Variants in CEP112 observed in about 807,000 individuals in gnomAD.
The protein encoded by CEP112 is centrosomal protein 112.
A neutral mutation model predicts 153.0 loss-of-function variants in CEP112; 127 were observed. That is an observed-to-expected ratio of 0.83 (90% CI 0.72 to 0.96). The LOEUF (loss-of-function observed/expected upper bound fraction) is 0.96. CEP112 is among the 40% of genes least tolerant of loss of function. The pLI is 0.00. For synonymous variants in CEP112, 358 were observed against 374.4 expected (o/e 0.96, Z 0.51); for missense variants, 1,089 against 1,101.2 (o/e 0.99, Z 0.16).
chr17:65,803,284 G>T (rs2145840715), intron 21 of CEP112, among the ~76,000 whole-genome samples: 1 of 152,274 alleles, frequency 6.6e-6, no homozygotes. Context: ...CCAAATTCCA[G>T]AAACAGTAAG....
intron 21 of CEP112, among the ~76,000 whole-genome samples, chr17:65,781,935 C>A (rs1473110944): frequency 6.6e-6 from 1 of 152,120 alleles, no homozygotes; most frequent in African/African-American, 2.4e-5. Flanking sequence ...CCATTCTGGA[C>A]CTTGGCCTTG....
intron 1 of CEP112, among the ~76,000 whole-genome samples, chr17:66,185,376 C>T (rs138306288): frequency 0.034 from 5,185 of 152,222 alleles, 130 homozygotes; most frequent in Middle Eastern, 0.061. Flanking sequence ...GCACACACCA[C>T]CATGCCCGGC....
intron 16 of CEP112, among the ~76,000 whole-genome samples, chr17:66,024,266 G>A (rs568505272): frequency 3.9e-5 from 6 of 152,194 alleles, no homozygotes; most frequent in African/African-American, 1.4e-4. Context: ...AATAAGACAA[G>A]GATGCTTACT....
intron 21 of CEP112, among the ~76,000 whole-genome samples, chr17:65,791,298 G>C (rs2054578323): frequency 6.6e-6 from 1 of 152,154 alleles, no homozygotes; most frequent in Admixed American, 6.6e-5. Context: ...AAGAAAGAAA[G>C]TAGGAAAGAT....
intron 21 of CEP112, among the ~76,000 whole-genome samples, chr17:65,777,640 C>T (rs925369246): frequency 2.0e-5 from 3 of 152,160 alleles, no homozygotes; most frequent in Non-Finnish European, 2.9e-5. Context: ...TTCTCCTCCC[C>T]TTCATGAATA....
Position 66,029,966 on chromosome 17 carries a change from T to C in CEP112, c.1276A>G (p.Asn426Asp). The C allele has an allele frequency of 6.2e-7, 1 of 1,613,930 alleles. No individual in the cohort carries two copies. The highest frequency in any genetic ancestry group is 8.5e-7 in the Non-Finnish European group (1 of 1,179,868). The stretch of plus-strand genomic sequence containing the variant: ...AATTTCTGCCTCTGTAAATTACTGT[T>C]CTCTGCTTCTCCAGTCAGCTGCTGG... ...RVQQLTGEAE[N>D]SNLQRQKLIQ... The change falls in exon 13 of 27, where the codon AAC becomes GAC. Residue 426 changes from asparagine to aspartate, a missense_variant. Coordinates refer to ENST00000535342, the MANE Select transcript of CEP112 (RefSeq NM_001199165.4).
At chr17:66,176,651 T>G in intron 3 of CEP112, 179 bp downstream of exon 3, 1 of 440,342 alleles carries the variant, frequency 2.3e-6, no homozygotes, top group South Asian at 7.3e-5. Context: ...ACTCCCCTTA[T>G]AAGCAATACA....
At chr17:66,076,448 C>G (rs899670458) in intron 8 of CEP112, among the ~76,000 whole-genome samples, 2 of 152,100 alleles carry the variant, frequency 1.3e-5, no homozygotes, top group Admixed American at 1.3e-4. Flanking sequence ...CCTCACTTCC[C>G]TGACAACCTG....
intron 19 of CEP112, among the ~76,000 whole-genome samples, chr17:65,922,214 C>T (rs1211698604): frequency 6.6e-6 from 1 of 152,060 alleles, no homozygotes; most frequent in Non-Finnish European, 1.5e-5. Context: ...TGGCTGTTCA[C>T]TTAATTCATT....
At chr17:66,167,485 A>G (rs2072028071) in intron 4 of CEP112, among the ~76,000 whole-genome samples, 1 of 152,082 alleles carries the variant, frequency 6.6e-6, no homozygotes, top group Admixed American at 6.6e-5. Flanking sequence ...GGGTTTAGAG[A>G]AATTAAGTAA....
intron 24 of CEP112, among the ~76,000 whole-genome samples, chr17:65,652,235 G>A (rs1303250983): frequency 6.6e-6 from 1 of 152,056 alleles, no homozygotes; most frequent in African/African-American, 2.4e-5. Flanking sequence ...AAAGTGTAGG[G>A]ATTAAGAGCC....
chr17:65,788,026 C>A (rs11654471), intron 21 of CEP112, among the ~76,000 whole-genome samples: 48,795 of 152,048 alleles, frequency 0.32, 9,677 homozygotes, highest in Middle Eastern at 0.45. Context: ...ACATTTCACC[C>A]TAAAAATGAT....
At chr17:66,005,189 G>T (rs985764710) in intron 17 of CEP112, among the ~76,000 whole-genome samples, 9 of 152,162 alleles carry the variant, frequency 5.9e-5, no homozygotes, top group Admixed American at 1.3e-4. Flanking sequence ...TTTAGTAAAT[G>T]AATGGAGAAG....
At chr17:65,672,178 T>C (rs1457139262) in intron 24 of CEP112, among the ~76,000 whole-genome samples, 1 of 152,178 alleles carries the variant, frequency 6.6e-6, no homozygotes, top group Non-Finnish European at 1.5e-5. Flanking sequence ...AAATATACCA[T>C]AATATATTTG....
chr17:65,897,395 TATC>T (rs1168567040), intron 20 of CEP112, among the ~76,000 whole-genome samples: 1 of 152,154 alleles, frequency 6.6e-6, no homozygotes, highest in Non-Finnish European at 1.5e-5. Flanking sequence ...TGGAGTGAAT[TATC>T]ATTTGATTTT....
chr17:66,157,313 C>T (rs2071486253), intron 4 of CEP112, among the ~76,000 whole-genome samples: 2 of 152,180 alleles, frequency 1.3e-5, no homozygotes, highest in Non-Finnish European at 2.9e-5. Flanking sequence ...AAATCCTTTA[C>T]AGACGAGCAA....
chr17:65,872,816 A>C (rs1205562552), intron 20 of CEP112: 1 of 152,212 alleles, frequency 6.6e-6, no homozygotes, highest in African/African-American at 2.4e-5. Context: ...AAAATCTTCT[A>C]CCCAATTTAG....
intron 17 of CEP112, among the ~76,000 whole-genome samples, chr17:65,988,908 G>A (rs2145220855): frequency 6.6e-6 from 1 of 152,042 alleles, no homozygotes; most frequent in Non-Finnish European, 1.5e-5. Flanking sequence ...AGAGATAAAT[G>A]TCCAGGTACA....
chr17:66,008,874 C>T (rs62065583), intron 16 of CEP112, among the ~76,000 whole-genome samples: 62,247 of 151,748 alleles, frequency 0.41, 14,198 homozygotes, highest in East Asian at 0.87. Context: ...TGTATATATA[C>T]ATACCACAGT....
Sources: gnomAD v4.1 joint callset for allele counts (sites outside exome capture counted in the v4.1 genomes callset) on GRCh38, gnomAD v4.1.1 for gene constraint, MANE v1.5 for transcripts, NCBI Gene and HGNC (gene_info 2026-07-23, HGNC 2026-07-21) for gene names.